The following RNF38 variants were observed in gnomAD, a reference collection of about 807,000 sequenced individuals.
The protein encoded by RNF38 is E3 ubiquitin-protein ligase RNF38.
Under a neutral mutation model 67.2 loss-of-function variants are expected in RNF38, and 15 were observed. That is an observed-to-expected ratio of 0.22 (90% confidence interval 0.15 to 0.34). The LOEUF (loss-of-function observed/expected upper bound fraction) is 0.34, where lower values mean the gene tolerates loss of function less well. Among genes scored for constraint, RNF38 ranks in the 10% least tolerant of loss-of-function variants. The probability of loss-of-function intolerance (pLI) is 1.00; values close to 1 mark genes in which losing one functional copy is unlikely to be tolerated. For synonymous variants in RNF38, 220 were observed against 218.8 expected (o/e 1.01, Z -0.05); for missense variants, 524 against 639.9 (o/e 0.82, Z 1.95).
intron 2 of RNF38, among the ~76,000 whole-genome samples, chr9:36,411,133 T>C (rs1213920795): frequency 1.5e-5 from 2 of 135,220 alleles, no homozygotes; most frequent in Non-Finnish European, 3.2e-5. Context: ...ATATCCAGAA[T>C]ATATAACTCC....
At chr9:36,343,988 A>G (rs1433243040) in intron 10 of RNF38, among the ~76,000 whole-genome samples, 1 of 152,126 alleles carries the variant, frequency 6.6e-6, no homozygotes, top group African/African-American at 2.4e-5. Context: ...CTATGAATAT[A>G]CAAAAAACCA....
At chr9:36,439,980 T>G (rs1839158412) in intron 1 of RNF38, among the ~76,000 whole-genome samples, 1 of 152,174 alleles carries the variant, frequency 6.6e-6, no homozygotes, top group African/African-American at 2.4e-5. Flanking sequence ...GCACTGTGGC[T>G]CATGCCTGTA....
At chr9:36,385,138 G>A (rs1394962143) in intron 2 of RNF38, among the ~76,000 whole-genome samples, 4 of 148,570 alleles carry the variant, frequency 2.7e-5, no homozygotes, top group Non-Finnish European at 5.9e-5. Flanking sequence ...TGAGCTAACC[G>A]AAAATTTAAA....
intron 3 of RNF38, chr9:36,372,415 G>A: frequency 1.7e-6 from 1 of 603,378 alleles, no homozygotes; most frequent in South Asian, 2.1e-5. Context: ...TTTATTCACA[G>A]TTCTTTGTTT....
At chr9:36,462,621 C>T (rs1044620698) in intron 1 of RNF38, among the ~76,000 whole-genome samples, 1 of 152,020 alleles carries the variant, frequency 6.6e-6, no homozygotes, top group Non-Finnish European at 1.5e-5. Context: ...TAACTTCCTT[C>T]GAATTTCTGC....
At chr9:36,356,646 G>A (rs1834125420) in intron 5 of RNF38, among the ~76,000 whole-genome samples, 173 bp from the exon 6 acceptor site, 1 of 148,988 alleles carries the variant, frequency 6.7e-6, no homozygotes, top group Non-Finnish European at 1.5e-5. Context: ...TACTAGTAAA[G>A]TAATGGTACT....
rs1832576479 is a variant in RNF38 at position 36,338,125 on chromosome 9, G to A, written c.*1627C>T. On this transcript the variant is annotated 3_prime_UTR_variant, in exon 12 of 12. Transcript: ENST00000259605. ...TGCAGCTTGTGCTATTGCAAACAAA[G>A]CAATTACATCAACTGCAGGAAGAGG... 2 of 152,414 alleles carry A rather than the reference G, an allele frequency of 1.3e-5. No individual in the cohort carries two copies. Among genetic ancestry groups the A allele is most frequent in the African/African-American group, 4.8e-5 (2 of 41,426 alleles). 9.4% of individuals were successfully genotyped at this position (152,414 alleles called of 1,614,324 possible).
At chr9:36,416,087 T>C (rs1468213302) in intron 2 of RNF38, among the ~76,000 whole-genome samples, 1 of 151,548 alleles carries the variant, frequency 6.6e-6, no homozygotes, top group Non-Finnish European at 1.5e-5. Context: ...TTATGTGTTT[T>C]GTTTTACGCT....
At chr9:36,410,228 A>T (rs1838289385) in intron 2 of RNF38, among the ~76,000 whole-genome samples, 1 of 152,246 alleles carries the variant, frequency 6.6e-6, no homozygotes, top group Non-Finnish European at 1.5e-5. Flanking sequence ...ACTTTTAGAA[A>T]ATACGGGTAA....
intron 2 of RNF38, among the ~76,000 whole-genome samples, chr9:36,389,483 T>G (rs1272637370): frequency 6.6e-6 from 1 of 152,210 alleles, no homozygotes; most frequent in Non-Finnish European, 1.5e-5. Context: ...CATATGTGAT[T>G]AGACACCTCA....
intron 2 of RNF38, among the ~76,000 whole-genome samples, chr9:36,388,706 T>G (rs1024176149): frequency 6.6e-6 from 1 of 152,056 alleles, no homozygotes; most frequent in African/African-American, 2.4e-5. Flanking sequence ...GACAGGAGTT[T>G]AAAGGAAGCA....
At chr9:36,476,526 T>A (rs1287432746) in intron 1 of RNF38, among the ~76,000 whole-genome samples, 2 of 148,516 alleles carry the variant, frequency 1.3e-5, no homozygotes, top group South Asian at 2.2e-4. Context: ...AATCTTTTTT[T>A]TTTTTTTTTT....
At chr9:36,433,462 C>G (rs1457952597) in intron 1 of RNF38, among the ~76,000 whole-genome samples, 1 of 151,452 alleles carries the variant, frequency 6.6e-6, no homozygotes, top group Non-Finnish European at 1.5e-5. Flanking sequence ...AACATAGGGC[C>G]AGGCACAGTG....
intron 1 of RNF38, among the ~76,000 whole-genome samples, chr9:36,434,934 T>C (rs1054458467): frequency 6.6e-6 from 1 of 152,204 alleles, no homozygotes; most frequent in Non-Finnish European, 1.5e-5. Context: ...AAATCAATTA[T>C]TTTAAAGGCT....
At chr9:36,370,220 A>C (rs927849015) in intron 3 of RNF38, among the ~76,000 whole-genome samples, 1 of 152,180 alleles carries the variant, frequency 6.6e-6, no homozygotes, top group Non-Finnish European at 1.5e-5. Flanking sequence ...TATAAGTGAA[A>C]AATAGTCTAA....
chr9:36,344,544 T>C (rs1427589870), intron 10 of RNF38, among the ~76,000 whole-genome samples: 1 of 152,182 alleles, frequency 6.6e-6, no homozygotes, highest in Non-Finnish European at 1.5e-5. Context: ...CTTTCTAAGA[T>C]GACAGAAATG....
intron 2 of RNF38, among the ~76,000 whole-genome samples, chr9:36,406,260 T>G (rs1838179431): frequency 6.6e-6 from 1 of 152,208 alleles, no homozygotes; most frequent in African/African-American, 2.4e-5. Flanking sequence ...AAAGAACCAC[T>G]TGTCCAAATG....
chr9:36,445,557 G>A (rs1587148732), intron 1 of RNF38, among the ~76,000 whole-genome samples: 1 of 152,186 alleles, frequency 6.6e-6, no homozygotes, highest in East Asian at 1.9e-4. Flanking sequence ...AGATGCTTAT[G>A]AATAAATTGG....
At chr9:36,357,696 G>C (rs1834232040) in intron 5 of RNF38, 79 bp downstream of exon 5, 1 of 1,111,286 alleles carries the variant, frequency 9.0e-7, no homozygotes, top group Non-Finnish European at 1.3e-6. Context: ...AAGAGGGTAA[G>C]AGTCGGGAAG....
Sources: gnomAD v4.1 joint callset for allele counts (sites outside exome capture counted in the v4.1 genomes callset) on GRCh38, gnomAD v4.1.1 for gene constraint, MANE v1.5 for transcripts, NCBI Gene and HGNC (gene_info 2026-07-23, HGNC 2026-07-21) for gene names.